ADAMTSL1: variants seen among roughly 807,000 people sequenced by gnomAD.
ADAMTSL1 encodes the protein ADAMTS-like protein 1.
In ADAMTSL1, 126 loss-of-function variants were observed where a neutral mutation model predicts 201.8. The ratio of observed to expected loss-of-function variants is 0.62; its 90% confidence interval spans 0.54 to 0.72. ADAMTSL1 has a LOEUF of 0.72. Ranked by LOEUF, ADAMTSL1 falls within the 30% of genes least tolerant of loss-of-function variation. The pLI is 0.00. For missense variants in ADAMTSL1, 2,679 were observed against 2,277.8 expected, an observed-to-expected ratio of 1.18 and a Z score of -3.59; for synonymous variants, 1,121 against 903.4, an observed-to-expected ratio of 1.24 and a Z score of -4.32.
chr9:18,396,533 A>G (rs1198142190), intron 2 of ADAMTSL1, among the ~76,000 whole-genome samples: 1 of 148,074 alleles, frequency 6.8e-6, no homozygotes, highest in Non-Finnish European at 1.5e-5. Context: ...ATATTAATTT[A>G]TATCAAGTAA....
intron 2 of ADAMTSL1, among the ~76,000 whole-genome samples, chr9:18,437,537 T>G (rs374352906): frequency 2.5e-4 from 38 of 152,292 alleles, no homozygotes; most frequent in Middle Eastern, 6.8e-3. Context: ...AGTTGTCTAC[T>G]GACCTGCCTT....
At chr9:18,237,018 G>T (rs1197836934) in intron 2 of ADAMTSL1, among the ~76,000 whole-genome samples, 2 of 152,134 alleles carry the variant, frequency 1.3e-5, no homozygotes, top group Non-Finnish European at 2.9e-5. Flanking sequence ...CCTGACTATT[G>T]CCCTATACAT....
In ADAMTSL1 at chr9:18,908,424, C is replaced by G; in HGVS notation, c.5183-18C>G. The G allele has an allele frequency of 6.5e-7, 1 of 1,547,150 alleles. No homozygotes were observed. Among genetic ancestry groups the G allele is most frequent in the Non-Finnish European group, 8.8e-7 (1 of 1,142,462 alleles). ...TCTCTTTTCTGTCTCCTCTCCCGACCCCGTCCTCCTTTCCCAGTGGAGTGC... is the reference window on the plus strand; with the variant it reads ...TCTCTTTTCTGTCTCCTCTCCCGACGCCGTCCTCCTTTCCCAGTGGAGTGC... On this transcript the variant is annotated intron_variant, in intron 28 of 28. Coordinates refer to ENST00000380548, the MANE Select transcript of ADAMTSL1 (RefSeq NM_001040272.6).
At chr9:18,116,641 A>C (rs1825262599) in intron 1 of ADAMTSL1, among the ~76,000 whole-genome samples, 1 of 152,182 alleles carries the variant, frequency 6.6e-6, no homozygotes, top group Admixed American at 6.5e-5. Flanking sequence ...CAGATGTCTT[A>C]TCTGGTGGCT....
intron 2 of ADAMTSL1, among the ~76,000 whole-genome samples, chr9:18,299,447 C>G (rs533381591): frequency 6.6e-6 from 1 of 152,260 alleles, no homozygotes; most frequent in Non-Finnish European, 1.5e-5. Context: ...AAGATACTGA[C>G]CAGATAAAGG....
chr9:18,685,987 TAA>T (rs2133206615), intron 13 of ADAMTSL1, among the ~76,000 whole-genome samples: 2 of 152,068 alleles, frequency 1.3e-5, no homozygotes, highest in East Asian at 3.9e-4. Flanking sequence ...GGCACGGTCA[TAA>T]CTCACTGCAG....
intron 3 of ADAMTSL1, among the ~76,000 whole-genome samples, chr9:18,545,479 G>C (rs572521616): frequency 2.6e-5 from 4 of 152,212 alleles, no homozygotes; most frequent in African/African-American, 7.2e-5. Context: ...TAAGAAAAGA[G>C]ATATTCAAAC....
At chr9:18,734,907 C>T (rs992051001) in intron 15 of ADAMTSL1, among the ~76,000 whole-genome samples, 3 of 152,094 alleles carry the variant, frequency 2.0e-5, no homozygotes, top group African/African-American at 7.2e-5. Flanking sequence ...TGCTTGATTC[C>T]ACTGTGTAAG....
At chr9:18,819,597 A>G (rs554357482) in intron 21 of ADAMTSL1, among the ~76,000 whole-genome samples, 22 of 152,262 alleles carry the variant, frequency 1.4e-4, no homozygotes, top group African/African-American at 3.6e-4. Flanking sequence ...TGGCCACTCT[A>G]TTGTGCCGCC....
intron 2 of ADAMTSL1, among the ~76,000 whole-genome samples, chr9:18,412,005 T>C (rs913434314): frequency 6.6e-5 from 10 of 152,260 alleles, no homozygotes; most frequent in South Asian, 2.1e-4. Flanking sequence ...AAAGCTTCTT[T>C]ATAGCAGTCT....
In ADAMTSL1 at chr9:18,639,381, T is replaced by C. The variant is rs759634124; in HGVS notation, c.804T>C (p.Ala268=). The C allele has an allele frequency of 3.7e-6, 6 of 1,612,882 alleles. No individual in the cohort carries two copies. In the South Asian group the frequency reaches 6.6e-5, roughly 18 times the overall value. ...KFPDKEILRM[A]GPLTADFIVK... ...CAGACAAAGAGATACTGAGAATGGC[T>C]GGACCACTCACAGCAGATTTCATTG... Residue 268 remains alanine, a synonymous_variant, in exon 7 of 29, where the codon GCT becomes GCC. Coordinates refer to ENST00000380548, the MANE Select transcript of ADAMTSL1 (RefSeq NM_001040272.6).
intron 1 of ADAMTSL1, among the ~76,000 whole-genome samples, chr9:17,918,499 T>A (rs1826187939): frequency 6.6e-6 from 1 of 151,930 alleles, no homozygotes; most frequent in Non-Finnish European, 1.5e-5. Flanking sequence ...GATGACACAC[T>A]TTATGTCACT....
intron 7 of ADAMTSL1, among the ~76,000 whole-genome samples, chr9:18,639,747 G>A (rs999265771): frequency 6.6e-6 from 1 of 151,958 alleles, no homozygotes; most frequent in Non-Finnish European, 1.5e-5. Context: ...ACTTATATAG[G>A]CTATCCTCAG....
chr9:18,690,724 A>G lies in ADAMTSL1; in HGVS notation c.1574+5924A>G, dbSNP rs185496469. On this transcript the variant is annotated intron_variant, in intron 13 of 28. Coordinates refer to ENST00000380548, the MANE Select transcript of ADAMTSL1 (RefSeq NM_001040272.6). Reference sequence around the variant, plus strand: ...AGAGGTAAAGCCTCACACTGGCCAGACAGCATCAACCCTTCCCCTCCAATA... The same window carrying G: ...AGAGGTAAAGCCTCACACTGGCCAGGCAGCATCAACCCTTCCCCTCCAATA... Among the ~76,000 whole-genome samples the G allele has an allele frequency of 1.3e-3, 205 of 152,340 alleles. 2 individuals are homozygous for G. The highest frequency in any genetic ancestry group is 2.3e-3 in the South Asian group (11 of 4,830).
At chr9:17,952,482 T>C (rs1484135234) in intron 1 of ADAMTSL1, among the ~76,000 whole-genome samples, 2 of 152,200 alleles carry the variant, frequency 1.3e-5, no homozygotes, top group African/African-American at 2.4e-5. Flanking sequence ...TAGTTTATGA[T>C]GCCTTTGCTC....
intron 1 of ADAMTSL1, among the ~76,000 whole-genome samples, chr9:17,953,024 A>C (rs1854580): frequency 0.023 from 2,920 of 125,220 alleles, 43 homozygotes; most frequent in Non-Finnish European, 0.037. Flanking sequence ...CATTTTGTCA[A>C]TTTCCATAGT....
At chr9:18,472,779 A>G (rs1821268581), upstream of ADAMTSL1, among the ~76,000 whole-genome samples, 1 of 152,180 alleles carries the variant, frequency 6.6e-6, no homozygotes, top group Non-Finnish European at 1.5e-5. Context: ...CACTGCATAT[A>G]TTTCTGGGCT....
intron 1 of ADAMTSL1, among the ~76,000 whole-genome samples, chr9:17,973,063 A>AC (rs1270463088): frequency 2.1e-5 from 2 of 97,476 alleles, no homozygotes; most frequent in African/African-American, 3.6e-5. Flanking sequence ...TCTGGATATT[A>AC]ACCCTTTGTC....
intron 2 of ADAMTSL1, among the ~76,000 whole-genome samples, chr9:18,284,748 G>C (rs1832929154): frequency 6.6e-6 from 1 of 152,116 alleles, no homozygotes; most frequent in South Asian, 2.1e-4. Flanking sequence ...TTTCCTTCCA[G>C]ACTTTTAATG....
Sources: gnomAD v4.1 joint callset for allele counts (sites outside exome capture counted in the v4.1 genomes callset) on GRCh38, gnomAD v4.1.1 for gene constraint, MANE v1.5 for transcripts, NCBI Gene and HGNC (gene_info 2026-07-23, HGNC 2026-07-21) for gene names.